NFIB: variants seen among roughly 807,000 people sequenced by gnomAD.
NFIB encodes the protein nuclear factor I B, also known as nuclear factor 1 B-type.
A neutral mutation model predicts 61.5 loss-of-function variants in NFIB; 11 were observed. The ratio of observed to expected loss-of-function variants is 0.18; its 90% CI spans 0.11 to 0.30. The LOEUF is 0.30. NFIB is among the 10% of genes least tolerant of loss of function. The probability of loss-of-function intolerance (pLI) is 1.00; values close to 1 mark genes in which losing one functional copy is unlikely to be tolerated. For synonymous variants in NFIB, 260 were observed against 216.5 expected (o/e 1.20, Z -1.76); for missense variants, 471 against 608.9 (o/e 0.77, Z 2.38).
intron 2 of NFIB, among the ~76,000 whole-genome samples, chr9:14,277,786 G>A (rs1350733740): frequency 6.6e-6 from 1 of 152,118 alleles, no homozygotes; most frequent in East Asian, 1.9e-4. Flanking sequence ...CTATAACTCT[G>A]CTTTTCTGAG....
In NFIB at chr9:14,307,297, C is replaced by T. The variant is rs370563581; in HGVS notation, c.254G>A (p.Arg85His). Residue 85 changes from arginine to histidine, a missense_variant, in exon 2 of 11, where the codon CGC becomes CAC. Arg to His is a conservative substitution (Grantham distance 29). Around this residue, in one of 2 missense-constraint regions of NFIB, gnomAD observed 99 missense variants for 213.3 expected, o/e 0.46. Transcript: ENST00000380953. The surrounding 1 kb of genome is among the most constrained non-coding windows in gnomAD (Gnocchi z 5.3). Reference sequence around the variant, plus strand: ...CACAAAGTCCTCTCGATACTCCTGGCGAATATCTTTGCGCAGTTTGGCAAG... The same window carrying T: ...CACAAAGTCCTCTCGATACTCCTGGTGAATATCTTTGCGCAGTTTGGCAAG... ...RLLAKLRKDI[R>H]QEYREDFVLT... 1.9e-6 allele frequency: 3 copies of T among 1,613,950 alleles called. No homozygotes were observed. Among genetic ancestry groups the T allele is most frequent in the Non-Finnish European group, 1.7e-6 (2 of 1,179,952 alleles).
chr9:14,517,993 C>T, the NFIB span, among the ~76,000 whole-genome samples: 1 of 152,324 alleles, frequency 6.6e-6, no homozygotes, highest in Non-Finnish European at 1.5e-5. Flanking sequence ...GCATTGTCTT[C>T]TAACTAGATG....
intron 6 of NFIB, among the ~76,000 whole-genome samples, chr9:14,129,626 CA>C (rs955004487): frequency 6.6e-6 from 1 of 151,256 alleles, no homozygotes; most frequent in African/African-American, 2.4e-5. Flanking sequence ...TCATATGCTA[CA>C]AAAAAAAGTT....
At chr9:14,159,092 G>A (rs12004755) in intron 3 of NFIB, among the ~76,000 whole-genome samples, 26,074 of 152,148 alleles carry the variant, frequency 0.17, 2,434 homozygotes, top group South Asian at 0.31. Context: ...GTGTGAGCCT[G>A]TTGGAAGCCA....
upstream of NFIB, among the ~76,000 whole-genome samples, chr9:14,402,093 G>T (rs1397437001): frequency 1.3e-5 from 2 of 152,176 alleles, no homozygotes; most frequent in East Asian, 1.9e-4. Context: ...AGAGACAGAA[G>T]GGGGAGAAAG....
chr9:14,109,118 C>T (rs562697152), intron 10 of NFIB, among the ~76,000 whole-genome samples: 1 of 152,166 alleles, frequency 6.6e-6, no homozygotes, highest in South Asian at 2.1e-4. Context: ...TAGCAACTCA[C>T]TATGAGGTAG....
intron 2 of NFIB, among the ~76,000 whole-genome samples, chr9:14,274,192 G>A (rs1012823783): frequency 5.4e-5 from 8 of 148,234 alleles, no homozygotes; most frequent in African/African-American, 2.0e-4. Flanking sequence ...TTCCTCCTAA[G>A]TGATCTTTTC....
chr9:14,380,323 C>G (rs374749323), intron 1 of NFIB, among the ~76,000 whole-genome samples: 32 of 152,292 alleles, frequency 2.1e-4, no homozygotes, highest in African/African-American at 5.3e-4. Flanking sequence ...AAGGGGAATT[C>G]AGAGCTGAGG....
chr9:14,153,377 G>A (rs2043064594), intron 4 of NFIB, among the ~76,000 whole-genome samples: 1 of 152,084 alleles, frequency 6.6e-6, no homozygotes, highest in Non-Finnish European at 1.5e-5. Flanking sequence ...TCCTGCTTAA[G>A]AGCCTCTGGA....
the NFIB span, among the ~76,000 whole-genome samples, chr9:14,436,226 C>A: frequency 6.6e-6 from 1 of 152,208 alleles, no homozygotes; most frequent in Non-Finnish European, 1.5e-5. Flanking sequence ...ATGGCCTCAG[C>A]CTGTTATAAA....
At chr9:14,117,831 C>T (rs1256240773) in intron 8 of NFIB, among the ~76,000 whole-genome samples, 1 of 152,094 alleles carries the variant, frequency 6.6e-6, no homozygotes, top group African/African-American at 2.4e-5. Flanking sequence ...GACTGTCTCA[C>T]TATAATTGGT....
the NFIB span, among the ~76,000 whole-genome samples, chr9:14,437,254 A>G: frequency 6.6e-6 from 1 of 152,234 alleles, no homozygotes; most frequent in East Asian, 1.9e-4. Flanking sequence ...AGGAAAAAAC[A>G]CCTATTCAAA....
chr9:14,172,718 G>T (rs1021601154), intron 3 of NFIB, among the ~76,000 whole-genome samples: 1 of 151,846 alleles, frequency 6.6e-6, no homozygotes, highest in Non-Finnish European at 1.5e-5. Flanking sequence ...TGCATCTTCT[G>T]TAACTTCGGT....
intron 6 of NFIB, among the ~76,000 whole-genome samples, chr9:14,142,262 G>C (rs1447834546): frequency 6.6e-6 from 1 of 152,164 alleles, no homozygotes; most frequent in African/African-American, 2.4e-5. Flanking sequence ...TTGTTCTCGT[G>C]ATAGTGAATG....
At chr9:14,416,700 GAAGA>G in the NFIB span, among the ~76,000 whole-genome samples, 13 of 151,834 alleles carry the variant, frequency 8.6e-5, no homozygotes, top group South Asian at 2.3e-3. Context: ...ATTTATTATT[GAAGA>G]AAGAAAAAAT....
At chr9:14,216,289 A>C (rs1440399210) in intron 2 of NFIB, among the ~76,000 whole-genome samples, 1 of 152,164 alleles carries the variant, frequency 6.6e-6, no homozygotes, top group Non-Finnish European at 1.5e-5. Flanking sequence ...ACTCAGGCTG[A>C]GCTTATCCCA....
At chr9:14,458,728 C>G in the NFIB span, among the ~76,000 whole-genome samples, 10 of 152,078 alleles carry the variant, frequency 6.6e-5, no homozygotes, top group African/African-American at 2.2e-4. Context: ...CAATAACAGA[C>G]AAACAGAGAG....
intron 6 of NFIB, among the ~76,000 whole-genome samples, chr9:14,129,568 G>A (rs1251724618): frequency 6.6e-6 from 1 of 151,990 alleles, no homozygotes; most frequent in Non-Finnish European, 1.5e-5. Flanking sequence ...CAGTCTAAAA[G>A]GCTTCATGCC....
chr9:14,294,491 A>G (rs192985157), intron 2 of NFIB, among the ~76,000 whole-genome samples: 1 of 152,346 alleles, frequency 6.6e-6, no homozygotes. Context: ...CAGTTTACAT[A>G]TGTTTAAAAA....
Sources: allele counts gnomAD v4.1 joint callset (sites outside exome capture counted in the v4.1 genomes callset), GRCh38; gene constraint gnomAD v4.1.1; regional missense constraint gnomAD v4.1.1; non-coding constraint Gnocchi (gnomAD v3.1); transcripts MANE v1.5; gene names NCBI Gene and HGNC (gene_info 2026-07-23, HGNC 2026-07-21).